Variants in TEAD3 observed in about 807,000 individuals in gnomAD.
TEAD3 encodes the protein transcriptional enhancer factor TEF-5.
A neutral mutation model predicts 55.6 loss-of-function variants in TEAD3; 15 were observed. The observed-to-expected ratio is 0.27, with a 90% CI of 0.18 to 0.42. The LOEUF is 0.42. TEAD3 is among the 10% of genes least tolerant of loss of function. The probability of loss-of-function intolerance (pLI) is 1.00; values close to 1 mark genes in which losing one functional copy is unlikely to be tolerated. For synonymous variants in TEAD3, 210 were observed against 232.2 expected (o/e 0.90, Z 0.87); for missense variants, 407 against 576.8 (o/e 0.71, Z 3.01).
chr6:35,475,827 C>A lies in TEAD3; in HGVS notation c.900+92G>T. 3.3e-6 allele frequency: 5 copies of A among 1,501,248 alleles called. No homozygotes were observed. Among genetic ancestry groups the A allele is most frequent in the Non-Finnish European group, 3.6e-6 (4 of 1,123,954 alleles). The allele number at this position is 1,501,248 out of a possible 1,614,324, so 93.0% of individuals were successfully genotyped here. On this transcript the variant is annotated intron_variant, in intron 10 of 12. Coordinates refer to ENST00000639578, the Ensembl canonical transcript of TEAD3. The surrounding 1 kb of genome is among the most constrained non-coding windows in gnomAD (Gnocchi z 5.4). ...ACTCTGCCCACAAGCCATGAGGATG[C>A]AGCAGGGTCAGAGGTCAATGCAGTG...
chr6:35,496,124 T>G lies in TEAD3; in HGVS notation c.-50+774A>C, dbSNP rs1581732544. 6.6e-6 allele frequency among the ~76,000 whole-genome samples: 1 copy of G among 150,532 alleles called. No individual in the cohort carries two copies. Among genetic ancestry groups the G allele is most frequent in the Non-Finnish European group, 1.5e-5 (1 of 67,540 alleles). The stretch of plus-strand genomic sequence containing the variant: ...GAATAAAGGGCATGACAGACAATGG[T>G]GGGGACCGGGGTAGGAAGCGGGAGA... On this transcript the variant is annotated intron_variant, in intron 1 of 12. Coordinates refer to ENST00000639578, the Ensembl canonical transcript of TEAD3. This position sits in a 1 kb window ranked among gnomAD's most constrained non-coding sequence, Gnocchi z 4.8.
chr6:35,477,325 G>C, exon 8 of TEAD3: 1 of 1,607,146 alleles, frequency 6.2e-7, no homozygotes, highest in Non-Finnish European at 8.5e-7. Flanking sequence ...GAGCGTCGGC[G>C]GCAGGGGCGG....
chr6:35,480,193 A>G, intron 3 of TEAD3, 119 bp downstream of exon 4: 1 of 1,552,512 alleles, frequency 6.4e-7, no homozygotes. Flanking sequence ...AGCTTCAGCC[A>G]GAAAAGAGGC....
Position 35,487,756 on chromosome 6 carries a change from AAAC to A in TEAD3, c.-49-1048_-49-1046del, listed in dbSNP as rs764956270. ...CAAAACAAAACACACAAAAACAAAC[AAAC>A]AACAACAACAAAAAACACTAAAGCA... is the stretch of plus-strand genomic sequence containing the variant. On this transcript the variant is annotated intron_variant, in intron 1 of 12. Transcript: ENST00000639578. Among the ~76,000 whole-genome samples, 192 of 152,142 alleles carry A rather than the reference AAAC, an allele frequency of 1.3e-3. 1 individual carries two copies. The highest frequency in any genetic ancestry group is 4.2e-3 in the African/African-American group (176 of 41,484).
chr6:35,481,401 A>G (rs537716278), intron 3 of TEAD3, among the ~76,000 whole-genome samples: 13 of 152,272 alleles, frequency 8.5e-5, no homozygotes, highest in African/African-American at 3.1e-4. Context: ...TTACTCCCAC[A>G]AAGAAAGCTC....
Position 35,476,416 on chromosome 6 carries a change from C to T in TEAD3, c.612G>A (p.Pro204=), listed in dbSNP as rs752485717. Residue 204 remains proline, a synonymous_variant, in exon 9 of 13, where the codon CCG becomes CCA. Transcript: ENST00000639578. ...GCACAGAGGCAGCAGCTGAGGGGAGCGGGGCCAGGGGCTCATAACCTGGGA... is the reference window on the plus strand; with the variant it reads ...GCACAGAGGCAGCAGCTGAGGGGAGTGGGGCCAGGGGCTCATAACCTGGGA... 2.4e-5 allele frequency: 39 copies of T among 1,612,822 alleles called. No homozygotes were observed. The Admixed American group carries it at 3.8e-4, about 16-fold the overall frequency.
In TEAD3 at chr6:35,475,501, T is replaced by C. The variant is rs753019363; in HGVS notation, c.1042-13A>G. 6.8e-6 allele frequency: 11 copies of C among 1,608,862 alleles called. No individual in the cohort carries two copies. The highest frequency in any genetic ancestry group is 8.5e-7 in the Non-Finnish European group (1 of 1,175,858). ...TGGCATACTCAGTCTGCAGAGAATA[T>C]GGAGAAGGCGTCACTCGGCCTGCCT... On this transcript the variant is annotated splice_polypyrimidine_tract_variant and intron_variant, in intron 11 of 12. Coordinates refer to ENST00000639578, the Ensembl canonical transcript of TEAD3. This position sits in a 1 kb window ranked among gnomAD's most constrained non-coding sequence, Gnocchi z 5.4.
At chr6:35,479,463 C>T in intron 4 of TEAD3, 147 bp from the exon 5 acceptor site, 1 of 1,006,648 alleles carries the variant, frequency 9.9e-7, no homozygotes, top group Non-Finnish European at 1.5e-6. Context: ...CCCTCCCCGT[C>T]CCCACAGAGG....
In TEAD3 at chr6:35,483,620, CCCTCTCTAAT is replaced by C. The variant is rs1321721702; in HGVS notation, c.267+930_267+939del. Among the ~76,000 whole-genome samples the C allele has an allele frequency of 6.6e-6, 1 of 152,194 alleles. No individual in the cohort carries two copies. Among genetic ancestry groups the C allele is most frequent in the Non-Finnish European group, 1.5e-5 (1 of 68,034 alleles). On this transcript the variant is annotated intron_variant, in intron 3 of 12. Coordinates refer to ENST00000639578, the Ensembl canonical transcript of TEAD3. The surrounding 1 kb of genome is among the most constrained non-coding windows in gnomAD (Gnocchi z 4.5). ...GGCCAGCCTCTCTGTCTCCAGCCAG[CCCTCTCTAAT>C]CCATTGTCCCGGCTGCTTGAGGGCC...
chr6:35,478,521 A>G, exon 6 of TEAD3: 1 of 1,608,414 alleles, frequency 6.2e-7, no homozygotes, highest in Non-Finnish European at 8.5e-7. Context: ...CGATCTGGGC[A>G]GAGGACATGG....
intron 1 of TEAD3, among the ~76,000 whole-genome samples, chr6:35,495,590 C>A (rs1317189857): frequency 6.6e-6 from 1 of 152,102 alleles, no homozygotes; most frequent in Non-Finnish European, 1.5e-5. Context: ...GACCACAGAA[C>A]CACATCCTTT....
rs1266402263 is a variant in TEAD3, at chr6:35,485,031, G to A, written c.203-407C>T. On this transcript the variant is annotated intron_variant, in intron 2 of 12. Transcript: ENST00000639578. The surrounding 1 kb of genome is among the most constrained non-coding windows in gnomAD (Gnocchi z 4.3). ...CAGCCCCCAGCAGTGCTTCCTGCCT[G>A]TGTCACCAGCTCCAGTACTCTTAGT... 6.6e-6 allele frequency among the ~76,000 whole-genome samples: 1 copy of A among 152,200 alleles called. No homozygotes were observed. The highest frequency in any genetic ancestry group is 1.5e-5 in the Non-Finnish European group (1 of 68,014).
rs1768397007 is a variant in TEAD3 at position 35,486,951 on chromosome 6, TCTCCTTGAGGAGAC to T, written c.-49-254_-49-241del. Among the ~76,000 whole-genome samples the T allele has an allele frequency of 6.6e-6, 1 of 152,044 alleles. No homozygotes were observed. The highest frequency in any genetic ancestry group is 1.5e-5 in the Non-Finnish European group (1 of 68,006). On this transcript the variant is annotated intron_variant, in intron 1 of 12. Transcript: ENST00000639578. This position sits in a 1 kb window ranked among gnomAD's most constrained non-coding sequence, Gnocchi z 7.3. ...TCAGTCCTGTAAAACGAGAAAAGGG[TCTCCTTGAGGAGAC>T]CTCCTTGAGGTTGTGAGGGTTAAAA... is the stretch of plus-strand genomic sequence containing the variant.
chr6:35,476,435 C>T (rs1581721460), exon 9 of TEAD3: 1 of 1,612,814 alleles, frequency 6.2e-7, no homozygotes, highest in African/African-American at 1.3e-5. Context: ...GGGCTCATAA[C>T]CTGGGAGGGC....
In TEAD3 at chr6:35,475,910, G is replaced by T; in HGVS notation, c.900+9C>A. 1 of 1,522,592 alleles carries T rather than the reference G, an allele frequency of 6.6e-7. No individual in the cohort carries two copies. Among genetic ancestry groups the T allele is most frequent in the South Asian group, 1.3e-5 (1 of 76,618 alleles). The allele number at this position is 1,522,592 out of a possible 1,614,324, so 94.3% of individuals were successfully genotyped here. The stretch of plus-strand genomic sequence containing the variant: ...GGGGCTTGGAGCAGAGAAGGCCAGG[G>T]GGACTCACCCAGAACTTGACAAGGA... On this transcript the variant is annotated intron_variant, in intron 10 of 12. Coordinates refer to ENST00000639578, the Ensembl canonical transcript of TEAD3. This position sits in a 1 kb window ranked among gnomAD's most constrained non-coding sequence, Gnocchi z 5.4.
At chr6:35,477,060 A>T (rs1012725099) in intron 8 of TEAD3, among the ~76,000 whole-genome samples, 3 of 152,174 alleles carry the variant, frequency 2.0e-5, no homozygotes, top group Non-Finnish European at 4.4e-5. Flanking sequence ...ACCTCAGGTG[A>T]TCCACCTGCC....
At chr6:35,480,998 T>C (rs183646225) in intron 3 of TEAD3, among the ~76,000 whole-genome samples, 36 of 152,108 alleles carry the variant, frequency 2.4e-4, no homozygotes, top group East Asian at 1.6e-3. Context: ...GCCTGAGTCC[T>C]CCTGTCAACC....
intron 1 of TEAD3, among the ~76,000 whole-genome samples, chr6:35,494,675 G>A (rs1410036821): frequency 5.3e-5 from 8 of 152,142 alleles, no homozygotes; most frequent in Non-Finnish European, 1.2e-4. Flanking sequence ...CCTGGGCGGG[G>A]AGGAGGAGGA....
chr6:35,477,442 TC>T, intron 7 of TEAD3, 70 bp from the exon 8 acceptor site: 1 of 1,483,444 alleles, frequency 6.7e-7, no homozygotes, highest in Non-Finnish European at 9.1e-7. Flanking sequence ...CAGCCCCTCT[TC>T]CAAGACCCCA....
Sources: gnomAD v4.1 joint callset for allele counts (sites outside exome capture counted in the v4.1 genomes callset) on GRCh38, gnomAD v4.1.1 for gene constraint, Gnocchi (gnomAD v3.1) non-coding constraint, MANE v1.5 for transcripts, NCBI Gene and HGNC (gene_info 2026-07-23, HGNC 2026-07-21) for gene names.